The following DLGAP4 variants were observed in gnomAD, a reference collection of about 807,000 sequenced individuals.
DLGAP4 encodes the protein disks large-associated protein 4.
DLGAP4 carries 18 observed loss-of-function variants against 86.9 expected under a neutral mutation model. The observed-to-expected ratio is 0.21, with a 90% CI of 0.14 to 0.31. DLGAP4 has a LOEUF of 0.31. DLGAP4 is among the 10% of genes least tolerant of loss of function. The pLI is 1.00. For missense variants in DLGAP4, 1,085 were observed against 1,362.6 expected, an observed-to-expected ratio of 0.80 and a Z score of 3.21; for synonymous variants, 548 against 574.3, an observed-to-expected ratio of 0.95 and a Z score of 0.65.
At chr20:36,320,295 CT>C (rs1555890405) in intron 1 of DLGAP4, among the ~76,000 whole-genome samples, 1 of 151,494 alleles carries the variant, frequency 6.6e-6, no homozygotes, top group African/African-American at 2.4e-5. Flanking sequence ...CTGTGTCCCC[CT>C]TCCCCAGCCC....
At chr20:36,489,855 CT>C (rs764797081) in intron 7 of DLGAP4, among the ~76,000 whole-genome samples, 3,878 of 107,986 alleles carry the variant, frequency 0.036, 94 homozygotes, top group African/African-American at 0.097. Context: ...GCTAATTCTT[CT>C]TTTTTTTTTT....
chr20:36,335,674 C>A (rs1284019124), intron 1 of DLGAP4, among the ~76,000 whole-genome samples: 2 of 152,210 alleles, frequency 1.3e-5, no homozygotes, highest in Admixed American at 1.3e-4. Flanking sequence ...CTCTTGTTCC[C>A]GAACGTGCAG....
At chr20:36,479,686 G>C (rs1337442010) in intron 7 of DLGAP4, among the ~76,000 whole-genome samples, 1 of 151,932 alleles carries the variant, frequency 6.6e-6, no homozygotes, top group East Asian at 1.9e-4. Flanking sequence ...GGCATGAAGG[G>C]GGTGATGGAG....
intron 7 of DLGAP4, among the ~76,000 whole-genome samples, chr20:36,496,205 G>A (rs2035880588): frequency 6.6e-6 from 1 of 151,964 alleles, no homozygotes; most frequent in Admixed American, 6.6e-5. Context: ...TGGAGAGGGG[G>A]CATCCAAGCA....
At chr20:36,324,503 C>G (rs782125596) in intron 1 of DLGAP4, among the ~76,000 whole-genome samples, 71 of 152,004 alleles carry the variant, frequency 4.7e-4, no homozygotes, top group Non-Finnish European at 8.7e-4. Flanking sequence ...TTTTTTTGTG[C>G]CTGGTGTGAG....
Position 36,432,389 on chromosome 20 carries a change from C to G in DLGAP4, c.672C>G (p.Ala224=), listed in dbSNP as rs2033153421. 6.2e-7 allele frequency: 1 copy of G among 1,613,684 alleles called. No homozygotes were observed. The highest frequency in any genetic ancestry group is 1.3e-5 in the African/African-American group (1 of 74,958). ...GCGCCTTCCGCAGCAGTGGCCCAGCCTCTGGGCTGATGACACTAGGCCGCC... is the reference window on the plus strand; with the variant it reads ...GCGCCTTCCGCAGCAGTGGCCCAGCGTCTGGGCTGATGACACTAGGCCGCC... ...EAGAFRSSGP[A]SGLMTLGRQA... The change falls in exon 3 of 13, where the codon GCC becomes GCG. Residue 224 remains alanine, a synonymous_variant. Transcript: ENST00000339266. This position sits in a 1 kb window ranked among gnomAD's most constrained non-coding sequence, Gnocchi z 6.5.
chr20:36,319,632 C>T (rs1179359256), intron 1 of DLGAP4, among the ~76,000 whole-genome samples: 2 of 152,176 alleles, frequency 1.3e-5, no homozygotes, highest in African/African-American at 2.4e-5. Context: ...GGTGGGAAAC[C>T]GGGGCCACAG....
At position 36,462,088 on chromosome 20, in the gene DLGAP4, C is replaced by T. The variant is rs972459343; in HGVS notation, c.1648+15151C>T. On this transcript the variant is annotated intron_variant, in intron 7 of 12. Transcript: ENST00000339266. ...CCTTTGGGGGTTCTGCACCCCAAGT[C>T]GCTGGGGTCTCGCCTCCTCTGAACC... 42 of 993,066 alleles carry T rather than the reference C, an allele frequency of 4.2e-5. 1 individual carries two copies. The African/African-American group carries it at 7.0e-4, about 17-fold the overall frequency. The allele number at this position is 993,066 out of a possible 1,614,324, so 61.5% of individuals were successfully genotyped here.
intron 2 of DLGAP4, among the ~76,000 whole-genome samples, chr20:36,379,857 T>C (rs1256061252): frequency 6.6e-6 from 1 of 152,186 alleles, no homozygotes; most frequent in Non-Finnish European, 1.5e-5. Flanking sequence ...ACAAGTAACA[T>C]TTGTATAAAT....
Position 36,482,006 on chromosome 20 carries a change from CTG to C in DLGAP4, c.1649-14695_1649-14694del, listed in dbSNP as rs1455883100. Among the ~76,000 whole-genome samples, 6 of 152,164 alleles carry C rather than the reference CTG, an allele frequency of 3.9e-5. No individual in the cohort carries two copies. The South Asian group carries it at 8.3e-4, about 21-fold the overall frequency. On this transcript the variant is annotated intron_variant, in intron 7 of 12. Coordinates refer to ENST00000339266, the MANE Select transcript of DLGAP4 (RefSeq NM_001365621.2). ...AGGGAAAAAAAATCCCTCTGTTTTTCTGTGTCTCTGTCCCCCGGGTGTGCCTG... is the reference window on the plus strand; with the variant it reads ...AGGGAAAAAAAATCCCTCTGTTTTTCTGTCTCTGTCCCCCGGGTGTGCCTG...
intron 7 of DLGAP4, among the ~76,000 whole-genome samples, chr20:36,464,397 A>G (rs1381562895): frequency 2.0e-5 from 3 of 152,136 alleles, no homozygotes; most frequent in African/African-American, 7.2e-5. Context: ...CTGTTGCTCC[A>G]AAAAATACAA....
At chr20:36,332,537 C>A (rs998149516) in intron 1 of DLGAP4, among the ~76,000 whole-genome samples, 7 of 152,002 alleles carry the variant, frequency 4.6e-5, no homozygotes, top group Non-Finnish European at 1.0e-4. Flanking sequence ...CTACAGGCGC[C>A]CGCCACTGCA....
intron 8 of DLGAP4, chr20:36,497,727 C>T (rs2035949151): frequency 1.3e-6 from 1 of 770,990 alleles, no homozygotes; most frequent in African/African-American, 1.9e-5. Flanking sequence ...TCAGCAGGCC[C>T]TCCATAGTCA....
intron 2 of DLGAP4, among the ~76,000 whole-genome samples, chr20:36,396,112 G>T (rs879132132): frequency 5.3e-5 from 8 of 152,068 alleles, no homozygotes; most frequent in South Asian, 2.1e-4. Flanking sequence ...GTCCACTGAG[G>T]AGGGAAGCAC....
chr20:36,384,079 AAG>A (rs1491302177), intron 2 of DLGAP4, among the ~76,000 whole-genome samples: 4 of 151,248 alleles, frequency 2.6e-5, no homozygotes, highest in Non-Finnish European at 4.4e-5. Context: ...TAGAAAAAAA[AAG>A]AAGCTTTCAT....
chr20:36,497,430 C>G, intron 8 of DLGAP4: 1 of 1,097,664 alleles, frequency 9.1e-7, no homozygotes, highest in Non-Finnish European at 1.1e-6. Flanking sequence ...ACTGGCCTAA[C>G]AGTTCTCTAA....
chr20:36,436,241 A>G lies in DLGAP4; in HGVS notation c.1132A>G (p.Ser378Gly), dbSNP rs1313764335. ...CATCAAGGCCATGGGCGACGAGGAC[A>G]GCGACGAGTCCGGCGGCAGCCCCAA... ...SYIKAMGDEDSDESGGSPKPS... is the reference protein window; with the variant it reads ...SYIKAMGDEDGDESGGSPKPS... The change falls in exon 4 of 13, where the codon AGC (serine) becomes GGC (glycine). Residue 378 changes from serine (S) to glycine (G), a missense_variant. By Grantham distance (56) the Ser-to-Gly change is moderately conservative. Coordinates refer to ENST00000339266, the MANE Select transcript of DLGAP4 (RefSeq NM_001365621.2). 2 of 1,605,744 alleles carry G rather than the reference A, an allele frequency of 1.2e-6. No homozygotes were observed. The highest frequency in any genetic ancestry group is 2.7e-5 in the African/African-American group (2 of 74,924).
chr20:36,326,624 T>C (rs2065218240), intron 1 of DLGAP4, among the ~76,000 whole-genome samples: 1 of 152,170 alleles, frequency 6.6e-6, no homozygotes, highest in African/African-American at 2.4e-5. Context: ...ATAAGAAAAA[T>C]AATCCTATAT....
At chr20:36,342,194 T>G (rs1555892578) in intron 1 of DLGAP4, among the ~76,000 whole-genome samples, 1 of 152,144 alleles carries the variant, frequency 6.6e-6, no homozygotes, top group Non-Finnish European at 1.5e-5. Context: ...CTGTGTGGTC[T>G]TGGGCAAGTC....
Sources: gnomAD v4.1 joint callset for allele counts (sites outside exome capture counted in the v4.1 genomes callset) on GRCh38, gnomAD v4.1.1 for gene constraint, Gnocchi (gnomAD v3.1) non-coding constraint, MANE v1.5 for transcripts, NCBI Gene and HGNC (gene_info 2026-07-23, HGNC 2026-07-21) for gene names.